MTBP: variants seen among roughly 807,000 people sequenced by gnomAD.
MTBP encodes the protein MDM2 binding protein, also known as mdm2-binding protein.
MTBP carries 101 observed loss-of-function variants against 117.0 expected under a neutral mutation model. That is an observed-to-expected ratio of 0.86 (90% CI 0.73 to 1.02). MTBP has a LOEUF of 1.02. Among genes scored for constraint, MTBP ranks in the 50% least tolerant of loss-of-function variants. The probability of loss-of-function intolerance (pLI) is 0.00; values close to 1 mark genes in which losing one functional copy is unlikely to be tolerated. For synonymous variants in MTBP, 350 were observed against 351.5 expected (o/e 1.00, Z 0.05); for missense variants, 970 against 1,030.9 (o/e 0.94, Z 0.81).
chr8:120,451,249 G>A lies in MTBP; in HGVS notation c.352G>A (p.Glu118Lys), dbSNP rs374593532. 20 of 1,612,170 alleles carry A rather than the reference G, an allele frequency of 1.2e-5. No homozygotes were observed. Among genetic ancestry groups the A allele is most frequent in the South Asian group, 6.6e-5 (6 of 90,934 alleles). ...KIEDVLQTNI[E>K]ECLGAVECFE... The stretch of plus-strand genomic sequence containing the variant: ...TGAAGATGTTCTTCAAACGAATATC[G>A]AAGAATGTTTGGGTGCTGTTGAGTG... The change falls in exon 4 of 22, where the codon GAA (glutamate) becomes AAA (lysine). Residue 118 changes from glutamate (E) to lysine (K), a missense_variant. By Grantham distance (56) the Glu-to-Lys change is moderately conservative. Transcript: ENST00000305949.
At chr8:120,500,395 GTATAT>G (rs1237357923) in intron 14 of MTBP, among the ~76,000 whole-genome samples, 10 of 152,018 alleles carry the variant, frequency 6.6e-5, no homozygotes, top group Non-Finnish European at 1.3e-4. Flanking sequence ...TTTTTAGGTT[GTATAT>G]TATATTGTAA....
chr8:120,453,279 C>T lies in MTBP; in HGVS notation c.426-568C>T, dbSNP rs369070045. Among the ~76,000 whole-genome samples the T allele has an allele frequency of 7.6e-4, 115 of 152,060 alleles. 1 individual carries two copies. The highest frequency in any genetic ancestry group is 2.4e-3 in the African/African-American group (101 of 41,468). ...CAGCTTGGGCAACATGGCAGAACCC[C>T]GTCTCTACATTAGCCAGGCATGGTG... On this transcript the variant is annotated intron_variant, in intron 4 of 21. Transcript: ENST00000305949.
intron 15 of MTBP, 104 bp downstream of exon 15, chr8:120,502,713 T>A: frequency 1.4e-6 from 1 of 696,882 alleles, no homozygotes; most frequent in East Asian, 2.9e-5. Context: ...TTTATTGTTT[T>A]ATTATAAAAG....
intron 13 of MTBP, among the ~76,000 whole-genome samples, chr8:120,496,212 C>T (rs556003013): frequency 6.6e-6 from 1 of 152,268 alleles, no homozygotes; most frequent in South Asian, 2.1e-4. Flanking sequence ...AGATGAAAGT[C>T]AGAAGAATCT....
intron 14 of MTBP, 94 bp from the exon 15 acceptor site, chr8:120,502,398 C>T (rs1000057682): frequency 1.3e-6 from 1 of 761,230 alleles, no homozygotes; most frequent in Non-Finnish European, 2.1e-6. Flanking sequence ...CACATACACA[C>T]ACACGTATGT....
rs566488851 is a variant in MTBP at position 120,446,781 on chromosome 8, GT to G, written c.199+269del. On this transcript the variant is annotated intron_variant, in intron 2 of 21. Transcript: ENST00000305949. ...AAATTTTCTTGCCTATCTTAGTTCT[GT>G]ATAACTAAGGGGAGTGTGGCTTTAT... is the stretch of plus-strand genomic sequence containing the variant. Among the ~76,000 whole-genome samples, 619 of 152,170 alleles carry G rather than the reference GT, an allele frequency of 4.1e-3. 5 individuals are homozygous for G. The highest frequency in any genetic ancestry group is 0.014 in the African/African-American group (595 of 41,520).
At chr8:120,493,830 G>T (rs1814399390) in intron 13 of MTBP, among the ~76,000 whole-genome samples, 1 of 152,198 alleles carries the variant, frequency 6.6e-6, no homozygotes, top group Non-Finnish European at 1.5e-5. Flanking sequence ...AAACATAGGG[G>T]CTAATTTCTG....
At chr8:120,449,538 A>G (rs760297584) in intron 2 of MTBP, among the ~76,000 whole-genome samples, 24 of 152,286 alleles carry the variant, frequency 1.6e-4, no homozygotes, top group Middle Eastern at 3.4e-3. Context: ...AAAAAACCCA[A>G]TTATTTTTGC....
At chr8:120,485,299 A>G (rs1185393734) in intron 11 of MTBP, among the ~76,000 whole-genome samples, 3 of 152,046 alleles carry the variant, frequency 2.0e-5, no homozygotes, top group Admixed American at 1.3e-4. Context: ...AGTATTTTTA[A>G]ATTTCCATTG....
chr8:120,484,833 AC>A lies in MTBP; in HGVS notation c.1166-3322del, dbSNP rs532951480. Among the ~76,000 whole-genome samples the A allele has an allele frequency of 3.4e-3, 519 of 151,900 alleles. 3 individuals carry two copies. The highest frequency in any genetic ancestry group is 0.011 in the African/African-American group (476 of 41,410). The stretch of plus-strand genomic sequence containing the variant: ...TTTCCACCACCCATTCCTCCTCCCT[AC>A]CCCTAAGCAATCTATTTTGGTCTGT... On this transcript the variant is annotated intron_variant, in intron 11 of 21. Transcript: ENST00000305949.
chr8:120,454,723 C>G (rs945587749), intron 5 of MTBP, among the ~76,000 whole-genome samples: 1 of 152,134 alleles, frequency 6.6e-6, no homozygotes, highest in African/African-American at 2.4e-5. Context: ...AATGAGTTGA[C>G]AAACGTATCA....
intron 12 of MTBP, among the ~76,000 whole-genome samples, chr8:120,488,802 G>T (rs1563797748): frequency 6.6e-6 from 1 of 152,060 alleles, no homozygotes; most frequent in Non-Finnish European, 1.5e-5. Context: ...TGGGTTGAAT[G>T]AGCTCAGTTG....
Position 120,493,360 on chromosome 8 carries a change from A to C in MTBP, c.1447+2790A>C, listed in dbSNP as rs77648884. 5.0e-3 allele frequency among the ~76,000 whole-genome samples: 767 copies of C among 152,242 alleles called. 8 individuals are homozygous for C. Among genetic ancestry groups the C allele is most frequent in the African/African-American group, 0.016 (682 of 41,536 alleles). The stretch of plus-strand genomic sequence containing the variant: ...ATCTGTTTTCTGTCTCCATTTCTTA[A>C]TCATTAAGGTCAATATGGATTCTTA... On this transcript the variant is annotated intron_variant, in intron 13 of 21. Transcript: ENST00000305949.
chr8:120,447,324 T>C (rs1316714792), intron 2 of MTBP, among the ~76,000 whole-genome samples: 1 of 152,136 alleles, frequency 6.6e-6, no homozygotes, highest in Admixed American at 6.5e-5. Flanking sequence ...TGGGGAATGA[T>C]TTCTAATATG....
At chr8:120,473,328 G>C (rs989373626) in intron 11 of MTBP, 5 of 152,136 alleles carry the variant, frequency 3.3e-5, no homozygotes, top group Admixed American at 2.6e-4. Context: ...GTGGAGAAAA[G>C]TTAGGAAATG....
In MTBP at chr8:120,470,883, C is replaced by A; in HGVS notation, c.1111C>A (p.Leu371Ile). The A allele has an allele frequency of 6.2e-7, 1 of 1,612,532 alleles. No homozygotes were observed. Among genetic ancestry groups the A allele is most frequent in the South Asian group, 1.1e-5 (1 of 91,044 alleles). The change falls in exon 11 of 22, where the codon CTC becomes ATC. Residue 371 changes from leucine (L) to isoleucine (I), a missense_variant. By Grantham distance (5) the Leu-to-Ile change is conservative (BLOSUM62 2). Transcript: ENST00000305949. ...SNILIPPPNQ[L>I]SSRKWKEYIA... The stretch of plus-strand genomic sequence containing the variant: ...CATACTGATTCCACCTCCCAACCAA[C>A]TCAGTTCAAGAAAATGGAAGGAATA...
At chr8:120,451,636 G>A (rs1563782870) in intron 4 of MTBP, 3 of 256,504 alleles carry the variant, frequency 1.2e-5, no homozygotes, top group South Asian at 9.2e-5. Context: ...AGGCTGCAGT[G>A]CAGTGGTGCA....
chr8:120,459,185 T>A, intron 7 of MTBP, 30 bp from the exon 8 acceptor site: 1 of 1,583,312 alleles, frequency 6.3e-7, no homozygotes, highest in Non-Finnish European at 8.6e-7. Context: ...TCATGATACT[T>A]GTAACTGTGT....
chr8:120,481,488 G>C (rs1388749129), intron 11 of MTBP, among the ~76,000 whole-genome samples: 2 of 152,154 alleles, frequency 1.3e-5, no homozygotes, highest in Non-Finnish European at 2.9e-5. Flanking sequence ...GAATGAGAAG[G>C]CATGAAAAGT....
Sources: gnomAD v4.1 joint callset for allele counts (sites outside exome capture counted in the v4.1 genomes callset) on GRCh38, gnomAD v4.1.1 for gene constraint, MANE v1.5 for transcripts, NCBI Gene and HGNC (gene_info 2026-07-23, HGNC 2026-07-21) for gene names.